The following ANK1 variants were observed in gnomAD, a reference collection of about 807,000 sequenced individuals.
ANK1 encodes the protein ankyrin 1, also known as ankyrin-1.
A neutral mutation model predicts 210.4 loss-of-function variants in ANK1; 51 were observed. That is an observed-to-expected ratio of 0.24 (90% CI 0.19 to 0.31). ANK1 has a LOEUF of 0.31. Ranked by LOEUF, ANK1 falls within the 10% of genes least tolerant of loss-of-function variation. ANK1 has a pLI of 1.00. For missense variants in ANK1, 2,051 were observed against 2,504.4 expected, an observed-to-expected ratio of 0.82 and a Z score of 3.86; for synonymous variants, 967 against 1,025.9, an observed-to-expected ratio of 0.94 and a Z score of 1.10.
intron 37 of ANK1, among the ~76,000 whole-genome samples, chr8:41,681,522 C>T (rs1816020352): frequency 6.6e-6 from 1 of 152,250 alleles, no homozygotes; most frequent in East Asian, 1.9e-4. Context: ...TTCCTGGACA[C>T]CACCCACTTA....
At chr8:41,881,196 G>A (rs1468878993) in intron 1 of ANK1, among the ~76,000 whole-genome samples, 1 of 152,208 alleles carries the variant, frequency 6.6e-6, no homozygotes, top group African/African-American at 2.4e-5. Context: ...TTCTAGTCTA[G>A]TCCAGACTAG....
chr8:41,717,727 G>A (rs777558979), intron 11 of ANK1, 25 bp from the exon 12 acceptor site: 14 of 1,526,256 alleles, frequency 9.2e-6, no homozygotes, highest in South Asian at 4.8e-5. Context: ...GGCAGAGTCC[G>A]ATAAGTGGGA....
chr8:41,803,090 A>AAGGAAGGAAGGGAAGGGAAGGG lies in ANK1; in HGVS notation c.127-44954_127-44953insCCCTTCCCTTCCCTTCCTTCCT, dbSNP rs777806034. 5.2e-4 allele frequency among the ~76,000 whole-genome samples: 13 copies of AAGGAAGGAAGGGAAGGGAAGGG among 24,938 alleles called. 1 individual carries two copies. The South Asian group carries it at 0.019, about 37-fold the overall frequency. 16.4% of individuals were successfully genotyped at this position (24,938 alleles called of 152,430 possible). A position where few individuals can be genotyped will look rare whatever the true frequency, so the allele number is the denominator to read the frequency against. ...AAGGAAGGAAGGAAGGAAGGGAAGG[A>AAGGAAGGAAGGGAAGGGAAGGG]AAGGAAAGGAAAGGAAAGGAAAGGA... On this transcript the variant is annotated intron_variant, in intron 1 of 42. Coordinates refer to the ANK1 transcript ENST00000265709.
chr8:41,755,987 A>G (rs545443884), intron 2 of ANK1, among the ~76,000 whole-genome samples: 43 of 151,672 alleles, frequency 2.8e-4, no homozygotes, highest in Non-Finnish European at 5.9e-4. Context: ...CTTATCACAC[A>G]CCTACTTCTG....
chr8:41,674,482 C>A (rs1257273242), intron 37 of ANK1, among the ~76,000 whole-genome samples: 3 of 152,230 alleles, frequency 2.0e-5, no homozygotes, highest in African/African-American at 4.8e-5. Flanking sequence ...AGGGCTGATG[C>A]CTGCCTTCCT....
chr8:41,794,154 A>T (rs1194141405), intron 1 of ANK1, among the ~76,000 whole-genome samples: 2 of 152,206 alleles, frequency 1.3e-5, no homozygotes, highest in Non-Finnish European at 2.9e-5. Flanking sequence ...CCTCATACAA[A>T]TACTATCTAA....
At chr8:41,859,233 C>T (rs1812791630) in intron 1 of ANK1, among the ~76,000 whole-genome samples, 1 of 152,222 alleles carries the variant, frequency 6.6e-6, no homozygotes, top group Non-Finnish European at 1.5e-5. Context: ...GGTGGGAGGA[C>T]GATGGGGCCA....
At chr8:41,792,262 A>G (rs762663042) in intron 1 of ANK1, among the ~76,000 whole-genome samples, 16 of 152,220 alleles carry the variant, frequency 1.1e-4, no homozygotes, top group Admixed American at 2.0e-4. Context: ...GAGAATGATG[A>G]CAAACGCCAC....
In ANK1 at chr8:41,704,027, G is replaced by A; in HGVS notation, c.2295+14C>T. On this transcript the variant is annotated intron_variant, in intron 20 of 42. Coordinates refer to ENST00000289734, the MANE Select transcript of ANK1 (RefSeq NM_000037.4). The surrounding 1 kb of genome is among the most constrained non-coding windows in gnomAD (Gnocchi z 4.1). ...GGAGCAGTTTTCTAAACTCAGGAGAGAGAGTGTACTCACCGAGCTGACCTC... is the reference window on the plus strand; with the variant it reads ...GGAGCAGTTTTCTAAACTCAGGAGAAAGAGTGTACTCACCGAGCTGACCTC... The A allele has an allele frequency of 6.2e-7, 1 of 1,611,966 alleles. No individual in the cohort carries two copies. The highest frequency in any genetic ancestry group is 2.2e-5 in the East Asian group (1 of 44,850).
rs1836196603 is a variant in ANK1, at chr8:41,746,582, GA to G, written c.129+11453del. Among the ~76,000 whole-genome samples the G allele has an allele frequency of 2.0e-5, 3 of 152,128 alleles. No homozygotes were observed. In the South Asian group the frequency reaches 6.2e-4, roughly 32 times the overall value. ...ACTCTAATCCTTTTCATTACCTTAA[GA>G]AAAAGGAATGCACAACGATTTTAGA... On this transcript the variant is annotated intron_variant, in intron 2 of 42. Transcript: ENST00000289734.
At chr8:41,727,371 A>G (rs377070966) in intron 4 of ANK1, 23 bp from the exon 5 acceptor site, 1 of 1,561,976 alleles carries the variant, frequency 6.4e-7, no homozygotes, top group Non-Finnish European at 8.8e-7. Context: ...AGAGGACATC[A>G]TTAGCATCCA....
intron 24 of ANK1, among the ~76,000 whole-genome samples, chr8:41,697,144 T>C (rs1821289173): frequency 6.6e-6 from 1 of 152,100 alleles, no homozygotes. Flanking sequence ...CAACTTCCTC[T>C]AGGGTGGGCA....
intron 1 of ANK1, among the ~76,000 whole-genome samples, chr8:41,819,911 T>C (rs1289429502): frequency 6.6e-6 from 1 of 152,188 alleles, no homozygotes; most frequent in Non-Finnish European, 1.5e-5. Flanking sequence ...CAGACACCAA[T>C]ATGGTGAGAA....
Position 41,715,800 on chromosome 8 carries a change from A to G in ANK1, c.1454T>C (p.Met485Thr). The change falls in exon 14 of 43, where the codon ATG (methionine) becomes ACG (threonine). Residue 485 changes from methionine to threonine, a missense_variant. Physicochemically the swap from Met to Thr is moderately conservative, Grantham distance 81 (BLOSUM62 -1). Transcript: ENST00000289734. ...GTTATTTTCCAGCAGGAGCTTCACC[A>G]TGTTTGTGTGGCCGATGCGAGCTGC... ...HCAARIGHTN[M>T]VKLLLENNAN... The G allele has an allele frequency of 6.2e-7, 1 of 1,614,218 alleles. No homozygotes were observed. Among genetic ancestry groups the G allele is most frequent in the Non-Finnish European group, 8.5e-7 (1 of 1,180,030 alleles).
At chr8:41,779,365 A>T (rs1365942590) in intron 1 of ANK1, among the ~76,000 whole-genome samples, 1 of 152,018 alleles carries the variant, frequency 6.6e-6, no homozygotes, top group Non-Finnish European at 1.5e-5. Context: ...CTTCCACCTC[A>T]GCCTCCCAAG....
rs915033592 is a variant in ANK1, at chr8:41,708,995, C to T, written c.1801-20G>A. The T allele has an allele frequency of 6.2e-7, 1 of 1,613,184 alleles. No individual in the cohort carries two copies. Among genetic ancestry groups the T allele is most frequent in the Non-Finnish European group, 8.5e-7 (1 of 1,179,994 alleles). ...GCCATTCTGAAACAGAAGAAGCCGC[C>T]CAGAGCCTGGTTACAGGAATGCTGA... On this transcript the variant is annotated intron_variant, in intron 16 of 42. Coordinates refer to ENST00000289734, the MANE Select transcript of ANK1 (RefSeq NM_000037.4).
At chr8:41,846,673 AT>A (rs1434849470) in intron 1 of ANK1, among the ~76,000 whole-genome samples, 2 of 152,218 alleles carry the variant, frequency 1.3e-5, no homozygotes, top group Non-Finnish European at 2.9e-5. Flanking sequence ...CTGGGAATTG[AT>A]CCGTGCCTTA....
At chr8:41,697,556 G>A (rs1821412521) in intron 24 of ANK1, among the ~76,000 whole-genome samples, 1 of 152,070 alleles carries the variant, frequency 6.6e-6, no homozygotes, top group Admixed American at 6.5e-5. Context: ...ACACAGTGGA[G>A]CACTCCCCCG....
intron 1 of ANK1, among the ~76,000 whole-genome samples, chr8:41,832,061 G>T (rs985744894): frequency 1.3e-5 from 2 of 152,182 alleles, no homozygotes; most frequent in Non-Finnish European, 2.9e-5. Context: ...AGAATTTTGC[G>T]GGGCGATGGA....
Sources: allele counts gnomAD v4.1 joint callset (sites outside exome capture counted in the v4.1 genomes callset), GRCh38; gene constraint gnomAD v4.1.1; non-coding constraint Gnocchi (gnomAD v3.1); transcripts MANE v1.5; gene names NCBI Gene and HGNC (gene_info 2026-07-23, HGNC 2026-07-21).